The following CDIN1 variants were observed in gnomAD, a reference collection of about 807,000 sequenced individuals.
The protein encoded by CDIN1 is CDAN1 interacting nuclease 1.
Under a neutral mutation model 45.3 loss-of-function variants are expected in CDIN1, and 33 were observed. The ratio of observed to expected loss-of-function variants is 0.73; its 90% CI spans 0.55 to 0.97. The LOEUF (loss-of-function observed/expected upper bound fraction) is 0.97, where lower values mean the gene tolerates loss of function less well. Ranked by LOEUF, CDIN1 falls within the 50% of genes least tolerant of loss-of-function variation. CDIN1 has a pLI of 0.00. For missense variants in CDIN1, 303 were observed against 339.4 expected (o/e 0.89, Z 0.84); for synonymous variants, 118 against 124.4 (o/e 0.95, Z 0.34).
chr15:36,589,918 A>T (rs1050165652), intron 1 of CDIN1, among the ~76,000 whole-genome samples: 1 of 152,214 alleles, frequency 6.6e-6, no homozygotes, highest in African/African-American at 2.4e-5. Flanking sequence ...GAAAGATGGT[A>T]CATGCTGATC....
chr15:36,650,642 C>T (rs1279034209), intron 3 of CDIN1, among the ~76,000 whole-genome samples: 2 of 151,886 alleles, frequency 1.3e-5, no homozygotes, highest in Non-Finnish European at 2.9e-5. Context: ...AAGGTTTCAC[C>T]ATGCTGTGCA....
intron 10 of CDIN1, among the ~76,000 whole-genome samples, chr15:36,806,353 G>A (rs902119396): frequency 5.9e-5 from 9 of 152,134 alleles, no homozygotes; most frequent in Admixed American, 2.6e-4. Context: ...AGTGCAGGCT[G>A]CTCTCACTTG....
intron 1 of CDIN1, among the ~76,000 whole-genome samples, chr15:36,596,968 C>T (rs951813441): frequency 4.6e-5 from 7 of 152,092 alleles, no homozygotes; most frequent in East Asian, 1.9e-4. Flanking sequence ...TTTTATAACA[C>T]GTGGCAATAT....
intron 1 of CDIN1, chr15:36,617,748 T>C (rs893435709): frequency 7.4e-6 from 6 of 806,054 alleles, no homozygotes; most frequent in Non-Finnish European, 1.1e-5. Context: ...TTTGTTCAAA[T>C]TGAAAACTGC....
intron 5 of CDIN1, among the ~76,000 whole-genome samples, chr15:36,663,083 G>A (rs1428562106): frequency 6.6e-6 from 1 of 151,984 alleles, no homozygotes; most frequent in East Asian, 1.9e-4. Context: ...GAAGAGATGT[G>A]TTCTAGTTTG....
chr15:36,769,174 T>A lies in CDIN1; in HGVS notation c.717-39150T>A, dbSNP rs576743078. The stretch of plus-strand genomic sequence containing the variant: ...TACATTTATTACCCCAGAGGTAGTT[T>A]ATATCAGTCAGGGTTCTCCAGAGAA... On this transcript the variant is annotated intron_variant, in intron 10 of 10. Coordinates refer to ENST00000566621, the MANE Select transcript of CDIN1 (RefSeq NM_001321759.2). Among the ~76,000 whole-genome samples, 8 of 152,338 alleles carry A rather than the reference T, an allele frequency of 5.3e-5. No individual in the cohort carries two copies. In the East Asian group the frequency reaches 1.5e-3, roughly 29 times the overall value.
chr15:36,688,470 A>C (rs2042135893), intron 5 of CDIN1, among the ~76,000 whole-genome samples: 1 of 152,174 alleles, frequency 6.6e-6, no homozygotes, highest in African/African-American at 2.4e-5. Context: ...ATTCTTGTGA[A>C]TCTAGCTCCA....
chr15:36,766,252 CT>C (rs2053921280), intron 10 of CDIN1, among the ~76,000 whole-genome samples: 1 of 152,116 alleles, frequency 6.6e-6, no homozygotes, highest in Admixed American at 6.5e-5. Context: ...TTTTTTAAGC[CT>C]GAATAATATT....
chr15:36,792,784 A>C (rs1185546541), intron 10 of CDIN1, among the ~76,000 whole-genome samples: 1 of 152,160 alleles, frequency 6.6e-6, no homozygotes, highest in African/African-American at 2.4e-5. Context: ...CCTCAGGCGA[A>C]GGCCTCCTTT....
intron 1 of CDIN1, among the ~76,000 whole-genome samples, chr15:36,581,780 C>T (rs1294925014): frequency 1.3e-5 from 2 of 152,208 alleles, no homozygotes; most frequent in African/African-American, 4.8e-5. Context: ...TCAGCTACTC[C>T]TGAGGCTGAG....
At chr15:36,675,115 GTTC>G (rs1268932370) in intron 5 of CDIN1, among the ~76,000 whole-genome samples, 2 of 152,026 alleles carry the variant, frequency 1.3e-5, no homozygotes, top group African/African-American at 4.8e-5. Flanking sequence ...AAACATGAAT[GTTC>G]TTATTATCCT....
At chr15:36,664,924 T>A (rs1253097409) in intron 5 of CDIN1, among the ~76,000 whole-genome samples, 1 of 152,242 alleles carries the variant, frequency 6.6e-6, no homozygotes, top group Non-Finnish European at 1.5e-5. Flanking sequence ...TTGTAAAATA[T>A]TAAAACATGA....
intron 1 of CDIN1, among the ~76,000 whole-genome samples, chr15:36,588,538 G>A (rs1260943196): frequency 1.3e-5 from 2 of 152,136 alleles, no homozygotes; most frequent in African/African-American, 4.8e-5. Flanking sequence ...TAATTTACAT[G>A]ATCTTTAAAA....
intron 5 of CDIN1, among the ~76,000 whole-genome samples, chr15:36,672,925 T>C (rs929109652): frequency 5.3e-5 from 8 of 152,094 alleles, no homozygotes; most frequent in Non-Finnish European, 4.4e-5. Flanking sequence ...TGTACCTGGC[T>C]TGACAAGTAT....
chr15:36,734,357 C>T (rs754325637), intron 10 of CDIN1: 17 of 430,328 alleles, frequency 4.0e-5, no homozygotes, highest in Non-Finnish European at 7.3e-5. Context: ...ATAAGAATTC[C>T]AGAGGTACTT....
In CDIN1 at chr15:36,613,632, G is replaced by A. The variant is rs556296027; in HGVS notation, c.102-30646G>A. On this transcript the variant is annotated intron_variant, in intron 1 of 10. Coordinates refer to ENST00000566621, the MANE Select transcript of CDIN1 (RefSeq NM_001321759.2). ...GAGGCTGAGGTGGCCTCCTTGAACC[G>A]TAGGATCAAGCTGGTTGAAGAGGAG... The A allele has an allele frequency of 7.0e-6, 10 of 1,435,006 alleles. No individual in the cohort carries two copies. The African/African-American group carries it at 8.4e-5, about 12-fold the overall frequency. 88.9% of individuals were successfully genotyped at this position (1,435,006 alleles called of 1,614,324 possible). A position where few individuals can be genotyped will look rare whatever the true frequency, so the allele number is the denominator to read the frequency against.
chr15:36,780,291 G>T (rs76781313), intron 10 of CDIN1, among the ~76,000 whole-genome samples: 102 of 152,322 alleles, frequency 6.7e-4, no homozygotes, highest in African/African-American at 2.3e-3. Flanking sequence ...GCCAATAAAT[G>T]CTTGGATCAG....
chr15:36,686,732 A>G (rs1378202203), intron 5 of CDIN1, among the ~76,000 whole-genome samples: 1 of 150,526 alleles, frequency 6.6e-6, no homozygotes, highest in Non-Finnish European at 1.5e-5. Flanking sequence ...AAATACAAGA[A>G]AGAAAGAGAG....
At chr15:36,613,367 TA>T (rs59042566) in intron 1 of CDIN1, 106,088 of 823,250 alleles carry the variant, frequency 0.13, 7,694 homozygotes, top group African/African-American at 0.26. Context: ...GATGTAAAGA[TA>T]AAAAAAGGAT....
Sources: allele counts gnomAD v4.1 joint callset (sites outside exome capture counted in the v4.1 genomes callset), GRCh38; gene constraint gnomAD v4.1.1; transcripts MANE v1.5; gene names NCBI Gene and HGNC (gene_info 2026-07-23, HGNC 2026-07-21).